GLIS1: variants seen among roughly 807,000 people sequenced by gnomAD.
GLIS1 encodes the protein GLIS family zinc finger 1, also known as zinc finger protein GLIS1.
Under a neutral mutation model 63.8 loss-of-function variants are expected in GLIS1, and 24 were observed. That is an observed-to-expected ratio of 0.38 (90% CI 0.27 to 0.53). The LOEUF is 0.53. Among genes scored for constraint, GLIS1 ranks in the 20% least tolerant of loss-of-function variants. GLIS1 has a pLI of 0.85. For missense variants in GLIS1, 1,036 were observed against 1,074.1 expected (o/e 0.96, Z 0.50); for synonymous variants, 450 against 482.5 (o/e 0.93, Z 0.88).
intron 6 of GLIS1, among the ~76,000 whole-genome samples, chr1:53,521,089 C>T (rs1644403814): frequency 6.6e-6 from 1 of 152,140 alleles, no homozygotes; most frequent in Non-Finnish European, 1.5e-5. Flanking sequence ...CAAGCGGGAG[C>T]CTCCGGGACA....
intron 8 of GLIS1, among the ~76,000 whole-genome samples, chr1:53,510,241 T>G (rs1317850096): frequency 6.6e-6 from 1 of 152,228 alleles, no homozygotes; most frequent in Non-Finnish European, 1.5e-5. Flanking sequence ...GTATTTAGGA[T>G]AGTCAGCAAG....
At chr1:53,609,885 A>G (rs972529512) in intron 2 of GLIS1, among the ~76,000 whole-genome samples, 2 of 152,238 alleles carry the variant, frequency 1.3e-5, no homozygotes, top group Non-Finnish European at 1.5e-5. Context: ...CCTGTGCTAC[A>G]AACATGTACA....
At chr1:53,667,914 T>C (rs1646111316) in intron 2 of GLIS1, among the ~76,000 whole-genome samples, 1 of 152,198 alleles carries the variant, frequency 6.6e-6, no homozygotes, top group South Asian at 2.1e-4. Context: ...CCATTGTACA[T>C]GGCTTCAATA....
intron 2 of GLIS1, among the ~76,000 whole-genome samples, chr1:53,652,373 C>T (rs1476951623): frequency 6.6e-6 from 1 of 152,134 alleles, no homozygotes; most frequent in Non-Finnish European, 1.5e-5. Context: ...AGGCTTAGAT[C>T]TCAGGCCCAG....
At chr1:53,701,188 G>C (rs1351871198) in intron 2 of GLIS1, among the ~76,000 whole-genome samples, 1 of 152,168 alleles carries the variant, frequency 6.6e-6, no homozygotes, top group Non-Finnish European at 1.5e-5. Context: ...GTAACCTTTC[G>C]AGGAACTACC....
intron 2 of GLIS1, among the ~76,000 whole-genome samples, chr1:53,727,528 A>C (rs985151451): frequency 6.6e-6 from 1 of 152,258 alleles, no homozygotes; most frequent in Non-Finnish European, 1.5e-5. Flanking sequence ...CGCGTGTCAC[A>C]GTACTTGGGG....
chr1:53,545,826 C>T lies in GLIS1; in HGVS notation c.1321-15874G>A, dbSNP rs141080598. ...ACTTCTTGCCTAGTGCTACGTGTGC[C>T]CTTGCGTGAGTCGCTGCAGAGGGCG... On this transcript the variant is annotated intron_variant, in intron 4 of 10. Transcript: ENST00000628545. Among the ~76,000 whole-genome samples the T allele has an allele frequency of 2.1e-4, 32 of 152,296 alleles. No homozygotes were observed. The East Asian group carries it at 5.8e-3, about 28-fold the overall frequency.
rs1414111935 is a variant in GLIS1 at position 53,574,407 on chromosome 1, C to T, written c.1320+19701G>A. Among the ~76,000 whole-genome samples the T allele has an allele frequency of 6.6e-6, 1 of 152,224 alleles. No homozygotes were observed. The highest frequency in any genetic ancestry group is 1.5e-5 in the Non-Finnish European group (1 of 68,046). Reference sequence around the variant, plus strand: ...AATGAACACTTCTCACCTTGGAAGACAGGCATCATTACTGCCACAAGCAGC... The same window carrying T: ...AATGAACACTTCTCACCTTGGAAGATAGGCATCATTACTGCCACAAGCAGC... On this transcript the variant is annotated intron_variant, in intron 4 of 10. Transcript: ENST00000628545. This position sits in a 1 kb window ranked among gnomAD's most constrained non-coding sequence, Gnocchi z 4.2.
rs34749868 is a variant in GLIS1 at position 53,549,761 on chromosome 1, G to A, written c.1321-19809C>T. On this transcript the variant is annotated intron_variant, in intron 4 of 10. Coordinates refer to ENST00000628545, the MANE Select transcript of GLIS1 (RefSeq NM_001367484.1). ...TTCTTGGGTACTTCCAATGTTCCAG[G>A]CCCTATTTCAAGTGCTTGTATGTGT... Among the ~76,000 whole-genome samples, 315 of 152,224 alleles carry A rather than the reference G, an allele frequency of 2.1e-3. 2 individuals carry two copies. The highest frequency in any genetic ancestry group is 0.014 in the Middle Eastern group (4 of 294).
At position 53,639,518 on chromosome 1, in the gene GLIS1, GC is replaced by G. The variant is rs774599953; in HGVS notation, c.260-39241del. Among the ~76,000 whole-genome samples, 85 of 152,182 alleles carry G rather than the reference GC, an allele frequency of 5.6e-4. No homozygotes were observed. Among genetic ancestry groups the G allele is most frequent in the Non-Finnish European group, 1.0e-3 (70 of 68,020 alleles). The stretch of plus-strand genomic sequence containing the variant: ...ACAGGCTGTTTTGGTTGGAACCCTG[GC>G]CCTTTTCTGTGGTTGCAGCGAAACC... On this transcript the variant is annotated intron_variant, in intron 2 of 10. Coordinates refer to ENST00000628545, the MANE Select transcript of GLIS1 (RefSeq NM_001367484.1). This position sits in a 1 kb window ranked among gnomAD's most constrained non-coding sequence, Gnocchi z 4.6.
At chr1:53,597,583 C>T (rs895800996) in intron 3 of GLIS1, among the ~76,000 whole-genome samples, 3 of 151,982 alleles carry the variant, frequency 2.0e-5, no homozygotes, top group African/African-American at 2.4e-5. Context: ...GGAGCCCAGG[C>T]GCTAGTTGCA....
At chr1:53,538,552 C>G (rs1476617781) in intron 4 of GLIS1, among the ~76,000 whole-genome samples, 1 of 152,198 alleles carries the variant, frequency 6.6e-6, no homozygotes, top group African/African-American at 2.4e-5. Context: ...TCCCAGGTAG[C>G]CATGATCGAG....
intron 1 of GLIS1, among the ~76,000 whole-genome samples, chr1:53,738,470 A>G (rs1261882570): frequency 6.6e-6 from 1 of 152,128 alleles, no homozygotes; most frequent in Non-Finnish European, 1.5e-5. Flanking sequence ...TGGAACACGG[A>G]GCCGGCGGCA....
intron 2 of GLIS1, among the ~76,000 whole-genome samples, chr1:53,645,556 A>G (rs1041041794): frequency 2.0e-5 from 3 of 152,188 alleles, no homozygotes; most frequent in African/African-American, 7.2e-5. Context: ...ATGGCAGGCC[A>G]GGGTGATAGG....
At chr1:53,704,514 G>T (rs571886494) in intron 2 of GLIS1, among the ~76,000 whole-genome samples, 1 of 152,170 alleles carries the variant, frequency 6.6e-6, no homozygotes, top group Non-Finnish European at 1.5e-5. Flanking sequence ...TGCCACCCTG[G>T]GCCTGGGTGA....
Position 53,526,574 on chromosome 1 carries a change from ACACAC to A in GLIS1, c.1483-1692_1483-1688del, listed in dbSNP as rs1408565171. On this transcript the variant is annotated intron_variant, in intron 5 of 10. Coordinates refer to ENST00000628545, the MANE Select transcript of GLIS1 (RefSeq NM_001367484.1). This position sits in a 1 kb window ranked among gnomAD's most constrained non-coding sequence, Gnocchi z 4.4. The stretch of plus-strand genomic sequence containing the variant: ...ACACAAAACCACCACCACCACACAC[ACACAC>A]CACACCATACACACCCACGCACGGC... Among the ~76,000 whole-genome samples the A allele has an allele frequency of 7.9e-5, 12 of 152,006 alleles. No individual in the cohort carries two copies. The East Asian group carries it at 2.3e-3, about 30-fold the overall frequency.
chr1:53,519,082 C>T (rs1644380918), intron 7 of GLIS1, among the ~76,000 whole-genome samples: 1 of 152,236 alleles, frequency 6.6e-6, no homozygotes, highest in Non-Finnish European at 1.5e-5. Context: ...ACACAGAGCT[C>T]CAAGTAGTCA....
intron 4 of GLIS1, among the ~76,000 whole-genome samples, chr1:53,564,381 G>T (rs1644917429): frequency 1.3e-5 from 2 of 151,972 alleles, no homozygotes; most frequent in Non-Finnish European, 2.9e-5. Context: ...GACAATAACG[G>T]CAACAACAAC....
intron 2 of GLIS1, among the ~76,000 whole-genome samples, chr1:53,679,540 G>A (rs1003981844): frequency 1.3e-5 from 2 of 152,156 alleles, no homozygotes; most frequent in African/African-American, 2.4e-5. Flanking sequence ...CAGGCTGCCT[G>A]GCCCCTCCTG....
Sources: allele counts gnomAD v4.1 joint callset (sites outside exome capture counted in the v4.1 genomes callset), GRCh38; gene constraint gnomAD v4.1.1; non-coding constraint Gnocchi (gnomAD v3.1); transcripts MANE v1.5; gene names NCBI Gene and HGNC (gene_info 2026-07-23, HGNC 2026-07-21).